The following CCDC88C variants were observed in gnomAD, a reference collection of about 807,000 sequenced individuals.
CCDC88C encodes the protein coiled-coil and HOOK domain protein 88C.
A neutral mutation model predicts 198.8 loss-of-function variants in CCDC88C; 131 were observed. The observed-to-expected ratio is 0.66, with a 90% confidence interval of 0.57 to 0.76. The LOEUF is 0.76. Among genes scored for constraint, CCDC88C ranks in the 30% least tolerant of loss-of-function variants. The probability of loss-of-function intolerance (pLI) is 0.00; values close to 1 mark genes in which losing one functional copy is unlikely to be tolerated. For synonymous variants in CCDC88C, 1,166 were observed against 1,114.7 expected (o/e 1.05, Z -0.92); for missense variants, 2,553 against 2,631.6 (o/e 0.97, Z 0.65).
intron 3 of CCDC88C, among the ~76,000 whole-genome samples, chr14:91,405,982 C>T (rs989990966): frequency 6.6e-6 from 1 of 152,218 alleles, no homozygotes; most frequent in Admixed American, 6.5e-5. Flanking sequence ...CCAGCCCAGT[C>T]CTCCAAGAGC....
chr14:91,289,591 C>CTA (rs1378207589), intron 24 of CCDC88C, among the ~76,000 whole-genome samples: 1 of 152,198 alleles, frequency 6.6e-6, no homozygotes, highest in East Asian at 1.9e-4. Flanking sequence ...GAAATCCACT[C>CTA]TAGTCTCCCA....
At chr14:91,337,855 G>A (rs911136818) in intron 10 of CCDC88C, 150 bp downstream of exon 10, 10 of 881,914 alleles carry the variant, frequency 1.1e-5, no homozygotes, top group Non-Finnish European at 1.6e-5. Flanking sequence ...GGGGCCCTGG[G>A]AAGCCCAGGC....
intron 4 of CCDC88C, among the ~76,000 whole-genome samples, chr14:91,346,195 C>A (rs1000238754): frequency 2.0e-5 from 3 of 152,188 alleles, no homozygotes; most frequent in African/African-American, 7.2e-5. Flanking sequence ...TGAGAAATAG[C>A]TAAAATTGGC....
chr14:91,309,609 CAAAA>C (rs376702299), intron 16 of CCDC88C, among the ~76,000 whole-genome samples: 1 of 114,412 alleles, frequency 8.7e-6, no homozygotes. Flanking sequence ...GACCCTGTCT[CAAAA>C]AAAAAAAAAA....
rs1332825612 is a variant in CCDC88C, at chr14:91,277,988, G to A, written c.4992C>T (p.Ser1664=). ...PYVGVRPCSA[S]PSSEMVTLEE... Reference sequence around the variant, plus strand: ...CCAAGGTGACCATCTCACTGCTGGGGGAGGCCGAGCAGGGCCGCACTCCGA... The same window carrying A: ...CCAAGGTGACCATCTCACTGCTGGGAGAGGCCGAGCAGGGCCGCACTCCGA... Residue 1664 remains serine (S), a synonymous_variant, in exon 29 of 30, where the codon TCC becomes TCT. Transcript: ENST00000389857. The A allele has an allele frequency of 6.4e-6, 10 of 1,566,980 alleles. No individual in the cohort carries two copies. The African/African-American group carries it at 8.1e-5, about 13-fold the overall frequency.
chr14:91,338,283 G>A lies in CCDC88C; in HGVS notation c.892-120C>T, dbSNP rs1028685739. On this transcript the variant is annotated intron_variant, in intron 9 of 29. Transcript: ENST00000389857. This position sits in a 1 kb window ranked among gnomAD's most constrained non-coding sequence, Gnocchi z 4.8. ...GCCCAGGACAAGCCAGCTCCTGGTG[G>A]CCGGGGGCCTCCATGTGCCACCACC... is the stretch of plus-strand genomic sequence containing the variant. The A allele has an allele frequency of 3.2e-6, 4 of 1,269,412 alleles. No individual in the cohort carries two copies. Among genetic ancestry groups the A allele is most frequent in the Non-Finnish European group, 4.4e-6 (4 of 913,878 alleles). The allele number at this position is 1,269,412 out of a possible 1,614,324, so 78.6% of individuals were successfully genotyped here.
At chr14:91,391,736 G>A (rs2139979743) in intron 3 of CCDC88C, among the ~76,000 whole-genome samples, 1 of 152,274 alleles carries the variant, frequency 6.6e-6, no homozygotes, top group South Asian at 2.1e-4. Flanking sequence ...CTGAGATCAT[G>A]CCACTGTACT....
Position 91,325,976 on chromosome 14 carries a change from G to A in CCDC88C, c.1131C>T (p.Gly377=), listed in dbSNP as rs17127245. 78,687 of 1,582,512 alleles carry A rather than the reference G, an allele frequency of 0.05. 2,365 individuals are homozygous for A. Among genetic ancestry groups the A allele is most frequent in the East Asian group, 0.12 (5,204 of 43,602 alleles). Reference sequence around the variant, plus strand: ...CCTTTTCCAGCTCATGGACTTTATCGCCCCGGGCCCGAGCAGCAGTCAGCT... The same window carrying A: ...CCTTTTCCAGCTCATGGACTTTATCACCCCGGGCCCGAGCAGCAGTCAGCT... ...EEQLTAARAR[G]DKVHELEKEN... The change falls in exon 11 of 30, where the codon GGC becomes GGT. Residue 377 remains glycine, a synonymous_variant. Transcript: ENST00000389857. This position sits in a 1 kb window ranked among gnomAD's most constrained non-coding sequence, Gnocchi z 4.1.
Position 91,307,285 on chromosome 14 carries a change from C to T in CCDC88C, c.3007-59G>A, listed in dbSNP as rs936534353. ...GCGGAAGCAGCCTGGCCTGGAGCCCCGAGTGAGTGGCTGAGGGCAACCTGC... is the reference window on the plus strand; with the variant it reads ...GCGGAAGCAGCCTGGCCTGGAGCCCTGAGTGAGTGGCTGAGGGCAACCTGC... On this transcript the variant is annotated intron_variant, in intron 17 of 29. Transcript: ENST00000389857. The T allele has an allele frequency of 1.6e-5, 24 of 1,536,874 alleles. No individual in the cohort carries two copies. The African/African-American group carries it at 1.6e-4, about 10-fold the overall frequency.
chr14:91,281,471 T>C lies in CCDC88C; in HGVS notation c.4685A>G (p.Asn1562Ser). 1.9e-6 allele frequency: 3 copies of C among 1,613,942 alleles called. No homozygotes were observed. The highest frequency in any genetic ancestry group is 1.1e-5 in the South Asian group (1 of 91,078). The change falls in exon 27 of 30, where the codon AAC becomes AGC. Residue 1562 changes from asparagine (N) to serine (S), a missense_variant. Physicochemically the swap from Asn to Ser is conservative, Grantham distance 46 (BLOSUM62 1). Transcript: ENST00000389857. ...TCCCTACTCACCGTACTGCCTGTGG[T>C]TGGGGACCTCAAACTCCAGGGATGG... ...CEPSLEFEVP[N>S]HRQYVSRPSS...
At chr14:91,348,537 G>T (rs1331856052) in intron 4 of CCDC88C, among the ~76,000 whole-genome samples, 1 of 151,930 alleles carries the variant, frequency 6.6e-6, no homozygotes, top group Non-Finnish European at 1.5e-5. Flanking sequence ...AGGCTGTTTG[G>T]TGACAGAGCA....
At chr14:91,290,763 T>G (rs1021159816) in intron 24 of CCDC88C, among the ~76,000 whole-genome samples, 1 of 152,190 alleles carries the variant, frequency 6.6e-6, no homozygotes, top group Non-Finnish European at 1.5e-5. Flanking sequence ...AAAAGGCTCA[T>G]AGCTAAATGA....
chr14:91,274,448 C>A (rs1889873311), intron 29 of CCDC88C, among the ~76,000 whole-genome samples: 1 of 152,240 alleles, frequency 6.6e-6, no homozygotes, highest in Admixed American at 6.5e-5. Context: ...CTGCAGCCTT[C>A]TGCAAGCCTA....
intron 3 of CCDC88C, among the ~76,000 whole-genome samples, chr14:91,403,807 G>C (rs1268270574): frequency 2.6e-5 from 4 of 152,206 alleles, no homozygotes; most frequent in Admixed American, 6.5e-5. Flanking sequence ...GTGCCCACTG[G>C]TGGTCCCAGC....
intron 23 of CCDC88C, among the ~76,000 whole-genome samples, chr14:91,292,873 G>C (rs1258484713): frequency 6.6e-6 from 1 of 152,148 alleles, no homozygotes; most frequent in Non-Finnish European, 1.5e-5. Flanking sequence ...GGCCCTGCCA[G>C]AGTAGTATCC....
At chr14:91,279,435 G>C (rs1220473588) in intron 27 of CCDC88C, 129 bp from the exon 28 acceptor site, 1 of 701,962 alleles carries the variant, frequency 1.4e-6, no homozygotes, top group Non-Finnish European at 2.3e-6. Flanking sequence ...TCAGGAAGGA[G>C]GAGCTCTGGG....
chr14:91,287,636 CTTTTTTTT>C (rs71120129), intron 25 of CCDC88C, among the ~76,000 whole-genome samples: 4 of 75,632 alleles, frequency 5.3e-5, no homozygotes, highest in Non-Finnish European at 7.4e-5. Flanking sequence ...TGCACCAGGT[CTTTTTTTT>C]TTTTTTTTTT....
intron 22 of CCDC88C, among the ~76,000 whole-genome samples, chr14:91,296,998 T>C (rs1291638627): frequency 6.6e-6 from 1 of 152,124 alleles, no homozygotes; most frequent in Non-Finnish European, 1.5e-5. Context: ...TGAAGAGATG[T>C]AGGAAGACAG....
intron 10 of CCDC88C, among the ~76,000 whole-genome samples, chr14:91,331,413 GCT>G (rs1270022193): frequency 6.6e-6 from 1 of 152,228 alleles, no homozygotes; most frequent in African/African-American, 2.4e-5. Flanking sequence ...GGGCAGAGGA[GCT>G]GGGGCCCTGT....
Sources: allele counts gnomAD v4.1 joint callset (sites outside exome capture counted in the v4.1 genomes callset), GRCh38; gene constraint gnomAD v4.1.1; non-coding constraint Gnocchi (gnomAD v3.1); transcripts MANE v1.5; gene names NCBI Gene and HGNC (gene_info 2026-07-23, HGNC 2026-07-21).